Variants in ELOVL6 observed in about 807,000 individuals in gnomAD.
ELOVL6 encodes ELOVL fatty acid elongase 6.
Under a neutral mutation model 31.7 loss-of-function variants are expected in ELOVL6, and 8 were observed. The ratio of observed to expected loss-of-function variants is 0.25; its 90% confidence interval spans 0.15 to 0.45. The LOEUF (loss-of-function observed/expected upper bound fraction) is 0.45. Ranked by LOEUF, ELOVL6 falls within the 20% of genes least tolerant of loss-of-function variation. ELOVL6 has a pLI of 1.00. For synonymous variants in ELOVL6, 101 were observed against 117.7 expected, an observed-to-expected ratio of 0.86 and a Z score of 0.92; for missense variants, 126 against 326.4, an observed-to-expected ratio of 0.39 and a Z score of 4.73.
At chr4:110,080,525 T>C (rs1304947752) in intron 2 of ELOVL6, among the ~76,000 whole-genome samples, 1 of 152,144 alleles carries the variant, frequency 6.6e-6, no homozygotes, top group Non-Finnish European at 1.5e-5. Flanking sequence ...GAAAAGGCCT[T>C]TGACAAAATT....
At chr4:110,082,752 T>A (rs1332722437) in intron 2 of ELOVL6, among the ~76,000 whole-genome samples, 2 of 152,012 alleles carry the variant, frequency 1.3e-5, no homozygotes, top group Non-Finnish European at 2.9e-5. Context: ...AATAAAAAAA[T>A]AAATAAAAAA....
intron 1 of ELOVL6, among the ~76,000 whole-genome samples, chr4:110,115,783 T>TA (rs1757152936): frequency 6.6e-6 from 1 of 152,210 alleles, no homozygotes; most frequent in Admixed American, 6.5e-5. Context: ...TGTATTATCT[T>TA]ACAGTTCTGG....
intron 1 of ELOVL6, among the ~76,000 whole-genome samples, chr4:110,182,235 C>T (rs1759297839): frequency 6.6e-6 from 1 of 152,066 alleles, no homozygotes; most frequent in African/African-American, 2.4e-5. Context: ...AAGTATGATC[C>T]TTTCCTATTA....
chr4:110,072,124 C>T (rs1282310222), intron 2 of ELOVL6, among the ~76,000 whole-genome samples: 1 of 152,144 alleles, frequency 6.6e-6, no homozygotes, highest in Non-Finnish European at 1.5e-5. Context: ...AGCAGCTGAC[C>T]AGCACACTCT....
At chr4:110,138,222 C>G (rs572051527) in intron 1 of ELOVL6, among the ~76,000 whole-genome samples, 2 of 152,286 alleles carry the variant, frequency 1.3e-5, no homozygotes, top group Non-Finnish European at 2.9e-5. Flanking sequence ...AAATAGCAAC[C>G]TCTTTCTTCA....
At chr4:110,066,637 CAAAAAAAAAAAAAAA>C (rs1209180349) in intron 2 of ELOVL6, among the ~76,000 whole-genome samples, 1 of 56,556 alleles carries the variant, frequency 1.8e-5, no homozygotes, top group Non-Finnish European at 4.0e-5. Flanking sequence ...TCTGTCTCAA[CAAAAAAAAAAAAAAA>C]AAAAAAAAAA....
chr4:110,133,737 A>G (rs911168421), intron 1 of ELOVL6, among the ~76,000 whole-genome samples: 4 of 152,234 alleles, frequency 2.6e-5, no homozygotes, highest in African/African-American at 9.6e-5. Context: ...AAATTAAGAT[A>G]TGAAAGAAAA....
intron 2 of ELOVL6, among the ~76,000 whole-genome samples, chr4:110,096,515 C>T (rs1173455739): frequency 2.6e-5 from 4 of 152,118 alleles, no homozygotes; most frequent in Admixed American, 2.0e-4. Flanking sequence ...ATTACCTACT[C>T]ATGATGCTCC....
intron 1 of ELOVL6, among the ~76,000 whole-genome samples, chr4:110,185,862 CTG>C (rs1325158517): frequency 3.3e-5 from 5 of 152,086 alleles, no homozygotes; most frequent in Admixed American, 3.3e-4. Flanking sequence ...CTGAGAAGTC[CTG>C]AGGTCTTGGA....
chr4:110,126,072 C>A (rs1031751853), intron 1 of ELOVL6, among the ~76,000 whole-genome samples: 2 of 152,028 alleles, frequency 1.3e-5, no homozygotes, highest in Non-Finnish European at 2.9e-5. Context: ...GAGACAGGAT[C>A]TCACTCTGTT....
At position 110,084,091 on chromosome 4, in the gene ELOVL6, A is replaced by ATATC. The variant is rs1174361948; in HGVS notation, c.221+21405_221+21406insGATA. Among the ~76,000 whole-genome samples the ATATC allele has an allele frequency of 5.3e-4, 58 of 109,844 alleles. 4 individuals carry two copies. Among genetic ancestry groups the ATATC allele is most frequent in the South Asian group, 3.8e-3 (12 of 3,118 alleles). The allele number at this position is 109,844 out of a possible 152,430, so 72.1% of individuals were successfully genotyped here. A position where few individuals can be genotyped will look rare whatever the true frequency, so the allele number is the denominator to read the frequency against. On this transcript the variant is annotated intron_variant, in intron 2 of 3. Transcript: ENST00000302274. ...CATATATATGCTATATATGATATAT[A>ATATC]ACATATATATGATATATATGATATA...
chr4:110,082,756 TA>T (rs1004811811), intron 2 of ELOVL6, among the ~76,000 whole-genome samples: 3 of 152,064 alleles, frequency 2.0e-5, no homozygotes, highest in Non-Finnish European at 4.4e-5. Flanking sequence ...AAAAAATAAA[TA>T]AAAAATCACC....
chr4:110,106,749 C>T (rs1248441760), intron 1 of ELOVL6, among the ~76,000 whole-genome samples: 2 of 151,194 alleles, frequency 1.3e-5, no homozygotes, highest in Non-Finnish European at 2.9e-5. Context: ...AATTCCTTAC[C>T]TCCTGGGAAT....
chr4:110,061,046 C>T (rs1313453506), intron 2 of ELOVL6, among the ~76,000 whole-genome samples: 1 of 152,184 alleles, frequency 6.6e-6, no homozygotes, highest in Admixed American at 6.5e-5. Flanking sequence ...AGTAGCTTCT[C>T]TAAAGGTATA....
chr4:110,075,024 A>G (rs1292731263), intron 2 of ELOVL6, among the ~76,000 whole-genome samples: 1 of 152,240 alleles, frequency 6.6e-6, no homozygotes, highest in Non-Finnish European at 1.5e-5. Context: ...TCAAAAGCAT[A>G]TGAAAAGATG....
In ELOVL6 at chr4:110,167,587, C is replaced by T. The variant is rs375102208; in HGVS notation, c.89+30660G>A. 3.3e-5 allele frequency among the ~76,000 whole-genome samples: 5 copies of T among 152,074 alleles called. No homozygotes were observed. In the East Asian group the frequency reaches 5.8e-4, roughly 18 times the overall value. ...TCACTCTGTTGCCCAGGCTGGAGTG[C>T]AGTGGTGCAATGATCCTCAGCTTCC... On this transcript the variant is annotated intron_variant, in intron 1 of 3. Coordinates refer to ENST00000302274, the MANE Select transcript of ELOVL6 (RefSeq NM_024090.3).
intron 1 of ELOVL6, among the ~76,000 whole-genome samples, chr4:110,123,105 A>G (rs1243217669): frequency 6.6e-6 from 1 of 152,182 alleles, no homozygotes; most frequent in Non-Finnish European, 1.5e-5. Flanking sequence ...TCCTCAACAT[A>G]TGAATTAATA....
chr4:110,085,570 G>C (rs1001457982), intron 2 of ELOVL6, among the ~76,000 whole-genome samples: 5 of 152,156 alleles, frequency 3.3e-5, no homozygotes, highest in African/African-American at 1.2e-4. Flanking sequence ...TTGTTCAATG[G>C]GGACAGTTAC....
chr4:110,078,979 A>T (rs1343827716), intron 2 of ELOVL6, among the ~76,000 whole-genome samples: 1 of 152,214 alleles, frequency 6.6e-6, no homozygotes, highest in Non-Finnish European at 1.5e-5. Context: ...AACAAAGATC[A>T]AAAGAGACAA....
Sources: gnomAD v4.1 joint callset for allele counts (sites outside exome capture counted in the v4.1 genomes callset) on GRCh38, gnomAD v4.1.1 for gene constraint, MANE v1.5 for transcripts, NCBI Gene and HGNC (gene_info 2026-07-23, HGNC 2026-07-21) for gene names.